The following RIMS1 variants were observed in gnomAD, a reference collection of about 807,000 sequenced individuals.
RIMS1 encodes the protein regulating synaptic membrane exocytosis protein 1.
In RIMS1, 83 loss-of-function variants were observed where a neutral mutation model predicts 214.1. The ratio of observed to expected loss-of-function variants is 0.39; its 90% CI spans 0.32 to 0.47. The LOEUF is 0.47. RIMS1 is among the 20% of genes least tolerant of loss of function. The pLI, the probability that RIMS1 is intolerant of heterozygous loss-of-function variation, is 0.99. For synonymous variants in RIMS1, 793 were observed against 786.8 expected, an observed-to-expected ratio of 1.01 and a Z score of -0.13; for missense variants, 2,050 against 2,161.8, an observed-to-expected ratio of 0.95 and a Z score of 1.03.
intron 29 of RIMS1, among the ~76,000 whole-genome samples, chr6:72,383,906 CA>C (rs2098540925): frequency 6.6e-6 from 1 of 151,986 alleles, no homozygotes; most frequent in African/African-American, 2.4e-5. Context: ...TCAGAATAAC[CA>C]AAAAGGTTAT....
intron 28 of RIMS1, among the ~76,000 whole-genome samples, chr6:72,320,597 A>C (rs1045357146): frequency 1.7e-4 from 26 of 152,088 alleles, no homozygotes; most frequent in African/African-American, 5.8e-4. Context: ...CTTCAGTATA[A>C]TACACTAAGA....
intron 2 of RIMS1, among the ~76,000 whole-genome samples, chr6:72,059,535 C>T (rs1827284308): frequency 6.6e-6 from 1 of 152,158 alleles, no homozygotes; most frequent in African/African-American, 2.4e-5. Flanking sequence ...GGCCCTCTAC[C>T]AGGTATTTTA....
chr6:71,930,293 A>G (rs1339829581), intron 1 of RIMS1, among the ~76,000 whole-genome samples: 1 of 152,076 alleles, frequency 6.6e-6, no homozygotes, highest in Non-Finnish European at 1.5e-5. Flanking sequence ...GACTATTTAA[A>G]TATGATATCT....
rs558550759 is a variant in RIMS1 at position 71,989,258 on chromosome 6, C to G, written c.245+20195C>G. Among the ~76,000 whole-genome samples, 6 of 152,272 alleles carry G rather than the reference C, an allele frequency of 3.9e-5. No individual in the cohort carries two copies. The South Asian group carries it at 1.0e-3, about 26-fold the overall frequency. ...AAATAATGCTTCTTTAGTACAGTGA[C>G]TAGCACATAACAGGTGCTCAATATT... is the stretch of plus-strand genomic sequence containing the variant. On this transcript the variant is annotated intron_variant, in intron 2 of 33. Coordinates refer to ENST00000521978, the MANE Select transcript of RIMS1 (RefSeq NM_014989.7).
At chr6:72,248,371 A>G (rs1330300750) in intron 12 of RIMS1, among the ~76,000 whole-genome samples, 1 of 152,206 alleles carries the variant, frequency 6.6e-6, no homozygotes, top group Admixed American at 6.5e-5. Flanking sequence ...GAATGGTAAC[A>G]TAAGTAAATA....
intron 6 of RIMS1, chr6:72,216,891 T>A: frequency 9.0e-7 from 1 of 1,110,000 alleles, no homozygotes; most frequent in Non-Finnish European, 1.1e-6. Flanking sequence ...GGGAGCCACT[T>A]TAGTACAGCA....
chr6:71,979,081 T>C (rs1239424282), intron 2 of RIMS1, among the ~76,000 whole-genome samples: 2 of 152,114 alleles, frequency 1.3e-5, no homozygotes, highest in Non-Finnish European at 2.9e-5. Context: ...GCCATAGCTA[T>C]TTTAATGATA....
chr6:72,031,176 G>A (rs73547375), intron 2 of RIMS1, among the ~76,000 whole-genome samples: 20 of 152,228 alleles, frequency 1.3e-4, no homozygotes, highest in African/African-American at 4.8e-4. Flanking sequence ...GTCATAAATA[G>A]CAATAAGAAC....
At chr6:72,293,210 A>G (rs1489373835) in intron 26 of RIMS1, among the ~76,000 whole-genome samples, 2 of 152,002 alleles carry the variant, frequency 1.3e-5, no homozygotes, top group African/African-American at 4.8e-5. Context: ...AATACATTCT[A>G]TTGATACTCC....
chr6:72,321,081 A>G (rs1241939495), intron 28 of RIMS1, among the ~76,000 whole-genome samples: 1 of 152,062 alleles, frequency 6.6e-6, no homozygotes, highest in Non-Finnish European at 1.5e-5. Flanking sequence ...TATGCAGCAT[A>G]ATGAATAAAG....
intron 10 of RIMS1, among the ~76,000 whole-genome samples, chr6:72,245,520 C>T (rs1376152727): frequency 6.6e-6 from 1 of 151,948 alleles, no homozygotes; most frequent in Non-Finnish European, 1.5e-5. Flanking sequence ...TTTTTATTTC[C>T]AAAACCTGCT....
In RIMS1 at chr6:72,190,224, G is replaced by A. The variant is rs368395370; in HGVS notation, c.1678+7075G>A. Among the ~76,000 whole-genome samples the A allele has an allele frequency of 2.3e-3, 345 of 152,266 alleles. 2 individuals carry two copies. The highest frequency in any genetic ancestry group is 7.9e-3 in the African/African-American group (329 of 41,536). On this transcript the variant is annotated intron_variant, in intron 6 of 33. Coordinates refer to ENST00000521978, the MANE Select transcript of RIMS1 (RefSeq NM_014989.7). ...CATGCCTGTAATCCCAGCACTTTGG[G>A]AGGCCGAGGTGGGCGGATCACCTGA...
intron 1 of RIMS1, among the ~76,000 whole-genome samples, chr6:71,931,906 A>G (rs990341549): frequency 6.6e-6 from 1 of 152,066 alleles, no homozygotes; most frequent in Non-Finnish European, 1.5e-5. Context: ...GAGAAACACA[A>G]AAATCAAAAC....
chr6:72,229,325 A>G (rs1348542147), intron 6 of RIMS1, among the ~76,000 whole-genome samples: 1 of 151,956 alleles, frequency 6.6e-6, no homozygotes, highest in African/African-American at 2.4e-5. Flanking sequence ...TAATTCAATC[A>G]TGAATGACAG....
At chr6:71,888,025 T>A (rs748440832) in intron 1 of RIMS1, among the ~76,000 whole-genome samples, 1 of 152,162 alleles carries the variant, frequency 6.6e-6, no homozygotes, top group African/African-American at 2.4e-5. Flanking sequence ...CTCACTTCTT[T>A]AGAGCGCATC....
intron 3 of RIMS1, among the ~76,000 whole-genome samples, chr6:72,097,726 A>G (rs191306496): frequency 4.0e-4 from 61 of 152,300 alleles, no homozygotes; most frequent in Non-Finnish European, 7.4e-4. Flanking sequence ...TTTCTTCTCT[A>G]TAAGATATAT....
At chr6:72,253,616 A>G (rs942064086) in intron 16 of RIMS1, among the ~76,000 whole-genome samples, 2 of 152,220 alleles carry the variant, frequency 1.3e-5, no homozygotes, top group African/African-American at 4.8e-5. Context: ...TATGAATTTT[A>G]AAGGCAGTTT....
intron 27 of RIMS1, among the ~76,000 whole-genome samples, chr6:72,310,941 A>G (rs2095479487): frequency 2.0e-5 from 3 of 152,024 alleles, no homozygotes; most frequent in Admixed American, 1.3e-4. Context: ...CTTTTTGTCC[A>G]CTTTCTGGAA....
chr6:72,156,189 T>G (rs1472451266), intron 4 of RIMS1: 1 of 176,786 alleles, frequency 5.7e-6, no homozygotes, highest in Non-Finnish European at 1.3e-5. Flanking sequence ...TGTGGTGTTA[T>G]TCACAATAAC....
Sources: gnomAD v4.1 joint callset for allele counts (sites outside exome capture counted in the v4.1 genomes callset) on GRCh38, gnomAD v4.1.1 for gene constraint, MANE v1.5 for transcripts, NCBI Gene and HGNC (gene_info 2026-07-23, HGNC 2026-07-21) for gene names.